SNW1: variants seen among roughly 807,000 people sequenced by gnomAD.
The protein encoded by SNW1 is SNW domain-containing protein 1.
SNW1 carries 9 observed loss-of-function variants against 75.6 expected under a neutral mutation model. The ratio of observed to expected loss-of-function variants is 0.12; its 90% CI spans 0.07 to 0.21. The LOEUF (loss-of-function observed/expected upper bound fraction) is 0.21, where lower values mean the gene tolerates loss of function less well. Ranked by LOEUF, SNW1 falls within the 10% of genes least tolerant of loss-of-function variation. SNW1 has a pLI of 1.00. For missense variants in SNW1, 409 were observed against 670.9 expected, an observed-to-expected ratio of 0.61 and a Z score of 4.31; for synonymous variants, 200 against 219.1, an observed-to-expected ratio of 0.91 and a Z score of 0.77.
chr14:77,758,027 G>GCAAT (rs71128673), intron 1 of SNW1, among the ~76,000 whole-genome samples: 123,599 of 151,274 alleles, frequency 0.82, 50,616 homozygotes, highest in South Asian at 0.85. Flanking sequence ...TCTATCTATT[G>GCAAT]CAATCAATCA....
intron 11 of SNW1, among the ~76,000 whole-genome samples, chr14:77,722,333 T>C (rs934472783): frequency 6.6e-6 from 1 of 152,208 alleles, no homozygotes; most frequent in Non-Finnish European, 1.5e-5. Context: ...GCAAATTTTC[T>C]CAAATTATTT....
At position 77,732,554 on chromosome 14, in the gene SNW1, T is replaced by TC. The variant is rs1450136398; in HGVS notation, c.821dup (p.Leu275ThrfsTer8). The TC allele has an allele frequency of 6.2e-7, 1 of 1,613,260 alleles. No homozygotes were observed. Among genetic ancestry groups the TC allele is most frequent in the Non-Finnish European group, 8.5e-7 (1 of 1,179,588 alleles). On this transcript the variant is annotated frameshift_variant, in exon 9 of 14. Transcript: ENST00000261531. LOFTEE classifies it high-confidence loss of function. ...TTTCATTTATGTGTACTGTCTGTAG[T>TC]CCTCTTCCATCAGCAGCCAGACGTT... is the stretch of plus-strand genomic sequence containing the variant.
intron 2 of SNW1, among the ~76,000 whole-genome samples, chr14:77,754,765 G>A (rs1003271759): frequency 6.6e-6 from 1 of 152,142 alleles, no homozygotes; most frequent in African/African-American, 2.4e-5. Context: ...GTTCTCTAGT[G>A]ACCACAAAGC....
At chr14:77,755,201 A>G (rs2080835221) in intron 1 of SNW1, 81 bp from the exon 2 acceptor site, 6 of 1,249,858 alleles carry the variant, frequency 4.8e-6, no homozygotes, top group Non-Finnish European at 6.7e-6. Flanking sequence ...CCACAGAGAC[A>G]ATTTTTCCTA....
chr14:77,736,990 T>C lies in SNW1; in HGVS notation c.619A>G (p.Met207Val), dbSNP rs374130980. Residue 207 changes from methionine to valine, a missense_variant, in exon 6 of 14, where the codon ATG (methionine) becomes GTG (valine). Physicochemically the swap from Met to Val is conservative, Grantham distance 21. This residue lies in a region of SNW1 where 70 missense variants were observed against 136.7 expected (regional missense o/e 0.51). Transcript: ENST00000261531. ...ACTTACTTGAACCTTGGAGGCTCCA[T>C]TGGATCTTTCTGCATTTCTACCATC... ...IRMVEMQKDP[M>V]EPPRFKINKK... 33 of 1,613,214 alleles carry C rather than the reference T, an allele frequency of 2.0e-5. No homozygotes were observed. The highest frequency in any genetic ancestry group is 8.0e-5 in the African/African-American group (6 of 74,916).
intron 3 of SNW1, among the ~76,000 whole-genome samples, chr14:77,743,263 A>G (rs1460495052): frequency 9.5e-6 from 1 of 105,794 alleles, no homozygotes; most frequent in Non-Finnish European, 2.5e-5. Flanking sequence ...ATAATTAGGA[A>G]AAAAAAAGCA....
intron 3 of SNW1, among the ~76,000 whole-genome samples, chr14:77,745,918 G>T (rs755800910): frequency 2.0e-5 from 3 of 152,016 alleles, no homozygotes; most frequent in African/African-American, 4.8e-5. Context: ...CAACTCCTTA[G>T]AAAGCTGGGG....
In SNW1 at chr14:77,719,480, T is replaced by C. The variant is rs2080520148; in HGVS notation, c.1249-950A>G. Among the ~76,000 whole-genome samples the C allele has an allele frequency of 2.6e-5, 4 of 151,976 alleles. 1 individual carries two copies. The South Asian group carries it at 8.3e-4, about 32-fold the overall frequency. On this transcript the variant is annotated intron_variant, in intron 12 of 13. Coordinates refer to ENST00000261531, the MANE Select transcript of SNW1 (RefSeq NM_012245.3). ...GATGAAACCCTGTCTCTACTAAGGA[T>C]ACAAAAATTAGCCTGGCATGGTGGC...
At chr14:77,745,522 A>G (rs2080754156) in intron 3 of SNW1, among the ~76,000 whole-genome samples, 1 of 152,156 alleles carries the variant, frequency 6.6e-6, no homozygotes, top group African/African-American at 2.4e-5. Flanking sequence ...AGCCTAACCA[A>G]CAAGGTGAAA....
chr14:77,728,066 A>T (rs1388911408), intron 10 of SNW1, among the ~76,000 whole-genome samples: 1 of 151,722 alleles, frequency 6.6e-6, no homozygotes, highest in Non-Finnish European at 1.5e-5. Context: ...AAAAAAAAAA[A>T]ATTAGTGTAG....
chr14:77,733,382 A>T (rs148196551), intron 8 of SNW1, among the ~76,000 whole-genome samples: 309 of 152,330 alleles, frequency 2.0e-3, no homozygotes, highest in African/African-American at 7.2e-3. Context: ...CTTAGCATCT[A>T]TAGGAAGTTA....
intron 10 of SNW1, among the ~76,000 whole-genome samples, chr14:77,723,816 G>C (rs1323638837): frequency 6.6e-6 from 1 of 152,068 alleles, no homozygotes; most frequent in Non-Finnish European, 1.5e-5. Flanking sequence ...CACCATGCCG[G>C]GCTAATTTTT....
At chr14:77,739,512 C>T (rs1030151) in intron 3 of SNW1, among the ~76,000 whole-genome samples, 18,628 of 151,816 alleles carry the variant, frequency 0.12, 1,474 homozygotes, top group African/African-American at 0.22. Flanking sequence ...CTATTTATAA[C>T]GCTTCTCTTT....
chr14:77,728,086 G>A (rs1030238475), intron 10 of SNW1, among the ~76,000 whole-genome samples: 3 of 151,354 alleles, frequency 2.0e-5, no homozygotes, highest in Admixed American at 6.6e-5. Flanking sequence ...GAATCTAGGT[G>A]GTAGGAGATA....
At chr14:77,736,914 G>GTT in intron 6 of SNW1, 57 bp downstream of exon 6, 2 of 1,250,968 alleles carry the variant, frequency 1.6e-6, no homozygotes. Context: ...TCAGCATATT[G>GTT]TTTTGAGATT....
intron 10 of SNW1, among the ~76,000 whole-genome samples, chr14:77,728,658 G>A (rs1179810632): frequency 2.0e-5 from 3 of 152,092 alleles, no homozygotes; most frequent in Admixed American, 6.5e-5. Flanking sequence ...GTACAGTTAA[G>A]AGCATAAGAT....
At chr14:77,718,904 T>G (rs1439380677) in intron 12 of SNW1, among the ~76,000 whole-genome samples, 2 of 152,070 alleles carry the variant, frequency 1.3e-5, no homozygotes, top group African/African-American at 4.8e-5. Context: ...AGAGACAGAG[T>G]TTCACCATGT....
At chr14:77,755,258 T>C in intron 1 of SNW1, 138 bp from the exon 2 acceptor site, 2 of 726,444 alleles carry the variant, frequency 2.8e-6, no homozygotes, top group South Asian at 1.7e-5. Flanking sequence ...CAATGATTTA[T>C]GGTAGTACTC....
intron 1 of SNW1, among the ~76,000 whole-genome samples, chr14:77,756,118 C>G (rs920557425): frequency 1.3e-5 from 2 of 151,828 alleles, no homozygotes; most frequent in African/African-American, 4.8e-5. Flanking sequence ...ACTTGCTATT[C>G]TTATACTCCT....
Sources: gnomAD v4.1 joint callset for allele counts (sites outside exome capture counted in the v4.1 genomes callset) on GRCh38, gnomAD v4.1.1 for gene constraint, gnomAD v4.1.1 regional missense constraint, MANE v1.5 for transcripts, NCBI Gene and HGNC (gene_info 2026-07-23, HGNC 2026-07-21) for gene names.